ZBTB40: variants seen among roughly 807,000 people sequenced by gnomAD.
ZBTB40 encodes zinc finger and BTB domain containing 40.
In ZBTB40, 60 loss-of-function variants were observed where a neutral mutation model predicts 117.5. The ratio of observed to expected loss-of-function variants is 0.51; its 90% CI spans 0.41 to 0.63. The LOEUF is 0.63. Ranked by LOEUF, ZBTB40 falls within the 30% of genes least tolerant of loss-of-function variation. The probability of loss-of-function intolerance (pLI) is 0.00; values close to 1 mark genes in which losing one functional copy is unlikely to be tolerated. For missense variants in ZBTB40, 1,287 were observed against 1,498.5 expected (o/e 0.86, Z 2.33); for synonymous variants, 525 against 577.1 (o/e 0.91, Z 1.29).
chr1:22,508,193 A>G (rs1639125995), intron 7 of ZBTB40, 56 bp downstream of exon 7: 3 of 1,569,834 alleles, frequency 1.9e-6, no homozygotes. Flanking sequence ...AGAAGGAAAA[A>G]ATATGAATAC....
chr1:22,501,319 A>T (rs910365366), intron 3 of ZBTB40, among the ~76,000 whole-genome samples, 173 bp from the exon 4 acceptor site: 2 of 152,214 alleles, frequency 1.3e-5, no homozygotes, highest in South Asian at 4.1e-4. Context: ...GGGCAGGAGC[A>T]TGGGACCGCA....
chr1:22,513,201 G>C lies in ZBTB40; in HGVS notation c.2668+71G>C. 3 of 1,527,144 alleles carry C rather than the reference G, an allele frequency of 2.0e-6. No individual in the cohort carries two copies. The highest frequency in any genetic ancestry group is 2.7e-6 in the Non-Finnish European group (3 of 1,122,240). The allele number at this position is 1,527,144 out of a possible 1,614,324, so 94.6% of individuals were successfully genotyped here. A position where few individuals can be genotyped will look rare whatever the true frequency, so the allele number is the denominator to read the frequency against. ...ACTGCCTAAACCCCATTTGGATTAGGTGTGATATATATCTCAAAAACAAAA... is the reference window on the plus strand; with the variant it reads ...ACTGCCTAAACCCCATTTGGATTAGCTGTGATATATATCTCAAAAACAAAA... On this transcript the variant is annotated intron_variant, in intron 12 of 17. Coordinates refer to ENST00000375647, the MANE Select transcript of ZBTB40 (RefSeq NM_014870.4). The surrounding 1 kb of genome is among the most constrained non-coding windows in gnomAD (Gnocchi z 4.9).
rs187792120 is a variant in ZBTB40 at position 22,511,710 on chromosome 1, G to A, written c.2037G>A (p.Thr679=). 3.5e-5 allele frequency: 57 copies of A among 1,608,886 alleles called. No homozygotes were observed. Among genetic ancestry groups the A allele is most frequent in the Middle Eastern group, 1.7e-4 (1 of 6,022 alleles). The change falls in exon 11 of 18, where the codon ACG becomes ACA. Residue 679 remains threonine, a synonymous_variant. Transcript: ENST00000375647. ...VLTKEDGEKE[T]WKVSNKFHLE... ...CTAAGGAAGATGGAGAGAAGGAAACGTGGAAGGTGAGTAATAAATTTCACC... is the reference window on the plus strand; with the variant it reads ...CTAAGGAAGATGGAGAGAAGGAAACATGGAAGGTGAGTAATAAATTTCACC...
chr1:22,436,944 A>G (rs983248043), intron 1 of ZBTB40, among the ~76,000 whole-genome samples: 3 of 152,102 alleles, frequency 2.0e-5, no homozygotes, highest in African/African-American at 7.2e-5. Context: ...GGAGATGAGG[A>G]TTGGAGAGAT....
intron 9 of ZBTB40, among the ~76,000 whole-genome samples, chr1:22,509,571 C>T (rs149863425): frequency 6.6e-6 from 1 of 152,352 alleles, no homozygotes; most frequent in African/African-American, 2.4e-5. Context: ...TGGTCTCGAA[C>T]TCCTGGCCTC....
chr1:22,450,004 C>T (rs1439152573), upstream of ZBTB40, among the ~76,000 whole-genome samples: 1 of 151,210 alleles, frequency 6.6e-6, no homozygotes, highest in African/African-American at 2.4e-5. Context: ...AGTGCAGTGG[C>T]GTGATCTCAG....
intron 6 of ZBTB40, among the ~76,000 whole-genome samples, chr1:22,506,548 G>A (rs1281466021): frequency 1.3e-5 from 2 of 152,148 alleles, no homozygotes; most frequent in Non-Finnish European, 2.9e-5. Flanking sequence ...GTGCTCATAA[G>A]GCTTAGCACT....
intron 16 of ZBTB40, 47 bp downstream of exon 16, chr1:22,522,510 A>C (rs998978): frequency 0.37 from 583,306 of 1,586,336 alleles, 110,677 homozygotes; most frequent in East Asian, 0.45. Flanking sequence ...CGGGGCCTGA[A>C]TCTCCCCTCC....
In ZBTB40 at chr1:22,435,743, T is replaced by G. The variant is rs1047088280; in HGVS notation, c.-70+6729T>G. Among the ~76,000 whole-genome samples the G allele has an allele frequency of 3.3e-5, 5 of 152,298 alleles. No individual in the cohort carries two copies. The East Asian group carries it at 9.6e-4, about 29-fold the overall frequency. ...TTCATCACAGTTAAAAACTTCTGCT[T>G]TTGAATGATACCTTATGAAGATGAA... On this transcript the variant is annotated intron_variant, in intron 1 of 8. Coordinates refer to the ZBTB40 transcript ENST00000650433.
intron 1 of ZBTB40, among the ~76,000 whole-genome samples, chr1:22,455,959 C>T (rs1322744763): frequency 6.6e-6 from 1 of 152,126 alleles, no homozygotes; most frequent in African/African-American, 2.4e-5. Context: ...TTACCCTTCT[C>T]GAGTACTGCC....
chr1:22,463,696 G>A (rs1272580178), intron 1 of ZBTB40, among the ~76,000 whole-genome samples: 1 of 152,244 alleles, frequency 6.6e-6, no homozygotes, highest in Non-Finnish European at 1.5e-5. Context: ...GCATGGCCTG[G>A]AAAGGCACCT....
chr1:22,517,640 TA>T, intron 13 of ZBTB40, 176 bp downstream of exon 13: 1 of 758,544 alleles, frequency 1.3e-6, no homozygotes, highest in South Asian at 2.0e-5. Flanking sequence ...AATCTCATTT[TA>T]AGGTATCTCA....
intron 13 of ZBTB40, among the ~76,000 whole-genome samples, chr1:22,519,342 A>G (rs1018216791): frequency 2.0e-5 from 3 of 152,226 alleles, no homozygotes; most frequent in African/African-American, 7.2e-5. Flanking sequence ...TATCCAATCA[A>G]GCATGTAGCT....
In ZBTB40 at chr1:22,502,569, T is replaced by G. The variant is rs574088516; in HGVS notation, c.1167+128T>G. ...ATACTGCATAGTAAGCATCTCGAAG[T>G]CAAGGTGCTTGTTTCATATCCTGTT... On this transcript the variant is annotated intron_variant, in intron 5 of 17. Transcript: ENST00000375647. 29 of 1,291,018 alleles carry G rather than the reference T, an allele frequency of 2.2e-5. No homozygotes were observed. The African/African-American group carries it at 3.3e-4, about 15-fold the overall frequency. The allele number at this position is 1,291,018 out of a possible 1,614,324, so 80.0% of individuals were successfully genotyped here. A position where few individuals can be genotyped will look rare whatever the true frequency, so the allele number is the denominator to read the frequency against.
chr1:22,529,715 T>C lies in ZBTB40; in HGVS notation c.*3319T>C, dbSNP rs1639779664. 6.6e-6 allele frequency: 1 copy of C among 152,120 alleles called. No homozygotes were observed. The highest frequency in any genetic ancestry group is 1.5e-5 in the Non-Finnish European group (1 of 68,014). The allele number at this position is 152,120 out of a possible 1,614,324, so 9.4% of individuals were successfully genotyped here. A position where few individuals can be genotyped will look rare whatever the true frequency, so the allele number is the denominator to read the frequency against. On this transcript the variant is annotated 3_prime_UTR_variant, in exon 18 of 18. Coordinates refer to ENST00000375647, the MANE Select transcript of ZBTB40 (RefSeq NM_014870.4). ...TTTGGGAAACTTTGAGCCCAGTGAG[T>C]AGCAGGGTCTGCAGTGTGAGTACCA...
At chr1:22,436,485 A>G (rs150761468) in intron 1 of ZBTB40, among the ~76,000 whole-genome samples, 1 of 152,182 alleles carries the variant, frequency 6.6e-6, no homozygotes, top group Non-Finnish European at 1.5e-5. Context: ...GCACTCCAGC[A>G]TGGGCAACAA....
Position 22,526,301 on chromosome 1 carries a change from T to C in ZBTB40, c.3625T>C (p.Ser1209Pro). The C allele has an allele frequency of 1.9e-6, 3 of 1,614,152 alleles. No homozygotes were observed. The highest frequency in any genetic ancestry group is 2.5e-6 in the Non-Finnish European group (3 of 1,180,028). ...GSQVFVTLPD[S>P]QASQASSELV... ...GCAGGTGTTTGTGACGTTGCCAGATTCTCAGGCATCTCAGGCCAGCTCTGA... is the reference window on the plus strand; with the variant it reads ...GCAGGTGTTTGTGACGTTGCCAGATCCTCAGGCATCTCAGGCCAGCTCTGA... The change falls in exon 18 of 18, where the codon TCT becomes CCT. Residue 1209 changes from serine to proline, a missense_variant. By Grantham distance (74) the Ser-to-Pro change is moderately conservative. Coordinates refer to ENST00000375647, the MANE Select transcript of ZBTB40 (RefSeq NM_014870.4).
At chr1:22,436,043 G>A (rs1190678558) in intron 1 of ZBTB40, among the ~76,000 whole-genome samples, 1 of 151,964 alleles carries the variant, frequency 6.6e-6, no homozygotes, top group Non-Finnish European at 1.5e-5. Context: ...TAGAACTCTT[G>A]CATATTGATG....
chr1:22,502,825 A>C (rs1638978240), intron 5 of ZBTB40, among the ~76,000 whole-genome samples: 1 of 152,144 alleles, frequency 6.6e-6, no homozygotes, highest in African/African-American at 2.4e-5. Context: ...ATGTTAAGGA[A>C]ATTTTGTAAT....
Sources: allele counts gnomAD v4.1 joint callset (sites outside exome capture counted in the v4.1 genomes callset), GRCh38; gene constraint gnomAD v4.1.1; non-coding constraint Gnocchi (gnomAD v3.1); transcripts MANE v1.5; gene names NCBI Gene and HGNC (gene_info 2026-07-23, HGNC 2026-07-21).